The following DARS2 variants were observed in gnomAD, a reference collection of about 807,000 sequenced individuals.
DARS2 encodes aspartyl-tRNA synthetase 2, mitochondrial.
DARS2 carries 63 observed loss-of-function variants against 83.0 expected under a neutral mutation model. The ratio of observed to expected loss-of-function variants is 0.76; its 90% confidence interval spans 0.62 to 0.94. DARS2 has a LOEUF of 0.94. Ranked by LOEUF, DARS2 falls within the 40% of genes least tolerant of loss-of-function variation. The pLI, the probability that DARS2 is intolerant of heterozygous loss-of-function variation, is 0.00. For synonymous variants in DARS2, 250 were observed against 269.3 expected, an observed-to-expected ratio of 0.93 and a Z score of 0.70; for missense variants, 675 against 774.4, an observed-to-expected ratio of 0.87 and a Z score of 1.52.
chr1:173,834,360 C>T, intron 6 of DARS2, 113 bp from the exon 7 acceptor site: 1 of 823,974 alleles, frequency 1.2e-6, no homozygotes. Flanking sequence ...CTTATTTCAG[C>T]TAAAATTCTT....
At chr1:173,828,549 C>CA in intron 3 of DARS2, 150 bp downstream of exon 3, 1 of 767,190 alleles carries the variant, frequency 1.3e-6, no homozygotes, top group Non-Finnish European at 2.1e-6. Flanking sequence ...TAAGACATAG[C>CA]AAAAAGACCA....
intron 11 of DARS2, 131 bp from the exon 12 acceptor site, chr1:173,845,097 GA>G: frequency 1.5e-6 from 1 of 673,222 alleles, no homozygotes; most frequent in Non-Finnish European, 2.7e-6. Flanking sequence ...GCCCAGCCCA[GA>G]CATTGAATTT....
intron 12 of DARS2, among the ~76,000 whole-genome samples, chr1:173,849,422 G>A (rs1002819764): frequency 3.3e-5 from 5 of 151,174 alleles, no homozygotes; most frequent in Admixed American, 6.6e-5. Context: ...TAATCCCAGC[G>A]ACTAGGGAGG....
At position 173,845,265 on chromosome 1, in the gene DARS2, A is replaced by C; in HGVS notation, c.1165A>C (p.Asn389His). The change falls in exon 12 of 17, where the codon AAC becomes CAC. Residue 389 changes from asparagine to histidine, a missense_variant. Coordinates refer to ENST00000649689, the MANE Select transcript of DARS2 (RefSeq NM_018122.5). ...LKRKDIESIR[N>H]FAADHFNQEI... ...AAGGAAAGACATTGAATCCATTAGA[A>C]ACTTTGCAGCTGACCATTTTAATCA... 6.2e-7 allele frequency: 1 copy of C among 1,611,630 alleles called. No individual in the cohort carries two copies. The highest frequency in any genetic ancestry group is 1.1e-5 in the South Asian group (1 of 91,012).
At position 173,857,574 on chromosome 1, in the gene DARS2, G is replaced by T. The variant is rs374139931; in HGVS notation, c.1807G>T (p.Ala603Ser). 5.6e-6 allele frequency: 9 copies of T among 1,614,040 alleles called. No individual in the cohort carries two copies. The African/African-American group carries it at 1.1e-4, about 19-fold the overall frequency. ...TGSPSIRDVI[A>S]FPKSFRGHDL... is the part of the protein sequence containing the mutation. ...ATCTCCAAGCATCAGAGATGTCATAGCCTTCCCAAAGTCCTTCCGGGGACA... is the reference window on the plus strand; with the variant it reads ...ATCTCCAAGCATCAGAGATGTCATATCCTTCCCAAAGTCCTTCCGGGGACA... Residue 603 changes from alanine to serine, a missense_variant, in exon 17 of 17, where the codon GCC becomes TCC. Transcript: ENST00000649689.
intron 14 of DARS2, 102 bp from the exon 15 acceptor site, chr1:173,853,693 G>C (rs1653759242): frequency 2.0e-6 from 3 of 1,483,972 alleles, no homozygotes; most frequent in Non-Finnish European, 2.8e-6. Flanking sequence ...TGGAGTTTGA[G>C]TTAGTAGTAA....
intron 1 of DARS2, among the ~76,000 whole-genome samples, chr1:173,826,315 A>G (rs1229853264): frequency 1.3e-5 from 2 of 152,190 alleles, no homozygotes; most frequent in African/African-American, 4.8e-5. Context: ...CTAAAGCTAA[A>G]TAGTTCCTAC....
chr1:173,849,349 C>T (rs1653559235), intron 12 of DARS2, among the ~76,000 whole-genome samples: 1 of 151,924 alleles, frequency 6.6e-6, no homozygotes, highest in East Asian at 1.9e-4. Context: ...GCCTGGCCAA[C>T]ATAGTGAAAC....
At position 173,825,235 on chromosome 1, in the gene DARS2, C is replaced by T; in HGVS notation, c.6C>T (p.Tyr2=). 2 of 1,612,436 alleles carry T rather than the reference C, an allele frequency of 1.2e-6. No individual in the cohort carries two copies. The highest frequency in any genetic ancestry group is 1.7e-6 in the Non-Finnish European group (2 of 1,178,964). ...CGCCATCGTGTGGCTCCAACATGTA[C>T]TTCCCTTCTTGGTTAAGTCAGCTGT... The part of the protein sequence containing the change: M[Y]FPSWLSQLYR... The change falls in exon 1 of 17, where the codon TAC becomes TAT. Residue 2 remains tyrosine (Y), a synonymous_variant. Coordinates refer to ENST00000649689, the MANE Select transcript of DARS2 (RefSeq NM_018122.5).
chr1:173,840,294 A>G (rs544144761), intron 10 of DARS2, among the ~76,000 whole-genome samples: 1 of 152,340 alleles, frequency 6.6e-6, no homozygotes, highest in South Asian at 2.1e-4. Context: ...GCTGGAGTGC[A>G]GTGGTAAGAT....
At chr1:173,852,348 C>T in intron 13 of DARS2, 1 of 661,372 alleles carries the variant, frequency 1.5e-6, no homozygotes. Flanking sequence ...CATGCCAACC[C>T]TATGAAAGAA....
chr1:173,852,322 T>A, intron 13 of DARS2: 1 of 802,866 alleles, frequency 1.2e-6, no homozygotes, highest in Non-Finnish European at 1.5e-6. Flanking sequence ...TTGTATACAT[T>A]AACTCATTTA....
rs574396955 is a variant in DARS2 at position 173,846,824 on chromosome 1, A to G, written c.1191+1533A>G. Among the ~76,000 whole-genome samples the G allele has an allele frequency of 4.6e-5, 7 of 152,256 alleles. No individual in the cohort carries two copies. The East Asian group carries it at 1.4e-3, about 29-fold the overall frequency. On this transcript the variant is annotated intron_variant, in intron 12 of 16. Transcript: ENST00000649689. ...AAAAAAGGAAAGAATCTTAGGTATG[A>G]TAACAGGAATAAAATGAAACCATAT...
At chr1:173,828,243 A>AT (rs1274862994) in intron 2 of DARS2, 90 bp from the exon 3 acceptor site, 1 of 1,301,730 alleles carries the variant, frequency 7.7e-7, no homozygotes, top group African/African-American at 1.5e-5. Context: ...AATTGCATGG[A>AT]TTTTTGTTTG....
chr1:173,829,243 A>G (rs1339958870), intron 3 of DARS2, among the ~76,000 whole-genome samples: 1 of 151,470 alleles, frequency 6.6e-6, no homozygotes, highest in Admixed American at 6.6e-5. Flanking sequence ...TTGCTTGTAT[A>G]TATGTTAGGA....
At chr1:173,850,997 G>A (rs1653642190) in intron 13 of DARS2, among the ~76,000 whole-genome samples, 1 of 151,956 alleles carries the variant, frequency 6.6e-6, no homozygotes, top group South Asian at 2.1e-4. Flanking sequence ...CAGCACTTTG[G>A]GAGGCCGAGG....
chr1:173,835,432 G>A (rs1401189930), intron 7 of DARS2, among the ~76,000 whole-genome samples: 2 of 150,760 alleles, frequency 1.3e-5, no homozygotes, highest in Admixed American at 6.6e-5. Context: ...GGCCGGGCGC[G>A]GTGGCTCACA....
In DARS2 at chr1:173,853,820, T is replaced by G; in HGVS notation, c.1589T>G (p.Val530Gly). Reference sequence around the variant, plus strand: ...GCCCGTAGCCAACACTATGACTTGGTTTTAAATGGCAATGAAATAGGAGGT... The same window carrying G: ...GCCCGTAGCCAACACTATGACTTGGGTTTAAATGGCAATGAAATAGGAGGT... ...KKARSQHYDL[V>G]LNGNEIGGGS... is the part of the protein sequence containing the mutation. Residue 530 changes from valine (V) to glycine (G), a missense_variant, in exon 15 of 17, where the codon GTT (valine) becomes GGT (glycine). Val to Gly is a moderately radical substitution (Grantham distance 109). Transcript: ENST00000649689. 1 of 1,614,090 alleles carries G rather than the reference T, an allele frequency of 6.2e-7. No homozygotes were observed. Among genetic ancestry groups the G allele is most frequent in the Non-Finnish European group, 8.5e-7 (1 of 1,179,990 alleles).
intron 11 of DARS2, among the ~76,000 whole-genome samples, chr1:173,841,413 A>G (rs1159336519): frequency 6.6e-6 from 1 of 152,048 alleles, no homozygotes; most frequent in African/African-American, 2.4e-5. Context: ...TACAGAATCT[A>G]AAGTATTTCT....
Sources: gnomAD v4.1 joint callset for allele counts (sites outside exome capture counted in the v4.1 genomes callset) on GRCh38, gnomAD v4.1.1 for gene constraint, MANE v1.5 for transcripts, NCBI Gene and HGNC (gene_info 2026-07-23, HGNC 2026-07-21) for gene names.